The following ELP2 variants were observed in gnomAD, a reference collection of about 807,000 sequenced individuals.
ELP2 encodes elongator acetyltransferase complex subunit 2, also known as elongator complex protein 2.
Under a neutral mutation model 119.2 loss-of-function variants are expected in ELP2, and 90 were observed. That is an observed-to-expected ratio of 0.75 (90% confidence interval 0.64 to 0.90). The LOEUF (loss-of-function observed/expected upper bound fraction) is 0.90. Ranked by LOEUF, ELP2 falls within the 40% of genes least tolerant of loss-of-function variation. The pLI is 0.00. For synonymous variants in ELP2, 339 were observed against 331.0 expected (o/e 1.02, Z -0.26); for missense variants, 921 against 967.8 (o/e 0.95, Z 0.64).
intron 11 of ELP2, among the ~76,000 whole-genome samples, chr18:36,146,744 G>C (rs907058319): frequency 6.6e-6 from 1 of 152,078 alleles, no homozygotes; most frequent in African/African-American, 2.4e-5. Context: ...GGGCATGGTG[G>C]CTCTTCTCAG....
At chr18:36,156,717 T>C in intron 13 of ELP2, 63 bp downstream of exon 13, 6 of 1,492,082 alleles carry the variant, frequency 4.0e-6, no homozygotes, top group Non-Finnish European at 5.6e-6. Context: ...TAAAAGGATT[T>C]TTGCCTTAGG....
At chr18:36,153,778 CTT>C (rs562758857) in intron 11 of ELP2, among the ~76,000 whole-genome samples, 6 of 145,526 alleles carry the variant, frequency 4.1e-5, no homozygotes, top group African/African-American at 7.5e-5. Flanking sequence ...TTTATATAGA[CTT>C]TTTTTTTTTT....
intron 18 of ELP2, among the ~76,000 whole-genome samples, chr18:36,165,820 T>C (rs999226027): frequency 3.9e-5 from 6 of 152,026 alleles, no homozygotes; most frequent in Non-Finnish European, 5.9e-5. Context: ...AGGCAGAGGT[T>C]GCAGTGAGCC....
intron 8 of ELP2, among the ~76,000 whole-genome samples, chr18:36,143,981 G>A (rs1405439351): frequency 6.6e-6 from 1 of 152,154 alleles, no homozygotes; most frequent in Non-Finnish European, 1.5e-5. Context: ...CTATTGTCTA[G>A]CCTTAGAACA....
At chr18:36,138,758 T>C (rs375440731) in intron 4 of ELP2, 37 bp from the exon 5 acceptor site, 1 of 1,506,832 alleles carries the variant, frequency 6.6e-7, no homozygotes, top group East Asian at 2.3e-5. Flanking sequence ...AGCTCTGAGG[T>C]AGTTAGTTGT....
intron 8 of ELP2, 98 bp from the exon 9 acceptor site, chr18:36,144,840 AT>A (rs148824515): frequency 1.2e-4 from 118 of 967,120 alleles, no homozygotes; most frequent in Non-Finnish European, 1.4e-4. Context: ...TTTTGTCCTA[AT>A]TTTTTTTTCT....
chr18:36,149,033 C>T (rs1228443439), intron 11 of ELP2, among the ~76,000 whole-genome samples: 1 of 152,228 alleles, frequency 6.6e-6, no homozygotes, highest in East Asian at 1.9e-4. Flanking sequence ...TACAACTTCA[C>T]TTTTTCAGGC....
At chr18:36,158,533 T>C (rs12185396) in intron 13 of ELP2, 164,428 of 269,170 alleles carry the variant, frequency 0.61, 51,739 homozygotes, top group East Asian at 0.81. Flanking sequence ...CTGAAACCCA[T>C]TGAAATGTTA....
intron 1 of ELP2, among the ~76,000 whole-genome samples, chr18:36,131,277 GTTTC>G (rs2089614778): frequency 6.6e-6 from 1 of 152,150 alleles, no homozygotes. Context: ...CCTGGTTTTT[GTTTC>G]TTGTTATTTG....
rs1011860211 is a variant in ELP2, at chr18:36,180,282, C to T, written c.*5641C>T. ...GTCCCATACTATTTTGCTTAATCTC[C>T]TCGGGCAGAATTTAGTGTTGTGGCC... is the stretch of plus-strand genomic sequence containing the variant. On this transcript the variant is annotated 3_prime_UTR_variant, in exon 22 of 22. Transcript: ENST00000358232. The T allele has an allele frequency of 5.9e-5, 9 of 152,218 alleles. No homozygotes were observed. The highest frequency in any genetic ancestry group is 1.0e-4 in the Non-Finnish European group (7 of 68,048). The allele number at this position is 152,218 out of a possible 1,614,324, so 9.4% of individuals were successfully genotyped here.
At position 36,142,836 on chromosome 18, in the gene ELP2, T is replaced by A; in HGVS notation, c.666T>A (p.Leu222=). ...TTATTTTTTAATTAGGTAGAGATCTTTTCCTAGCAAGCTGTTCACAAGATT... is the reference window on the plus strand; with the variant it reads ...TTATTTTTTAATTAGGTAGAGATCTATTCCTAGCAAGCTGTTCACAAGATT... ...GVEWAAFGRD[L]FLASCSQDCL... Residue 222 remains leucine, a synonymous_variant, in exon 8 of 22, where the codon CTT becomes CTA. Coordinates refer to ENST00000358232, the MANE Select transcript of ELP2 (RefSeq NM_018255.4). The A allele has an allele frequency of 6.2e-7, 1 of 1,602,790 alleles. No homozygotes were observed. The highest frequency in any genetic ancestry group is 1.3e-5 in the African/African-American group (1 of 74,814).
At chr18:36,138,017 C>A in intron 3 of ELP2, 1 of 432,094 alleles carries the variant, frequency 2.3e-6, no homozygotes, top group Non-Finnish European at 4.2e-6. Context: ...AGGAACATTC[C>A]ACAAAGTTGA....
At chr18:36,172,273 GTATA>G (rs1036159994) in intron 21 of ELP2, among the ~76,000 whole-genome samples, 5 of 152,188 alleles carry the variant, frequency 3.3e-5, no homozygotes, top group African/African-American at 1.2e-4. Flanking sequence ...CCCCAAAAAA[GTATA>G]AACGTTCAGA....
chr18:36,163,709 C>A (rs1473938474), intron 17 of ELP2, among the ~76,000 whole-genome samples: 1 of 152,060 alleles, frequency 6.6e-6, no homozygotes, highest in Non-Finnish European at 1.5e-5. Flanking sequence ...AAAAGACTAT[C>A]CCCTTCATCA....
chr18:36,131,768 G>C (rs546951069), intron 1 of ELP2, among the ~76,000 whole-genome samples: 6 of 152,178 alleles, frequency 3.9e-5, no homozygotes, highest in Non-Finnish European at 7.3e-5. Context: ...TGATTCAGCT[G>C]TAGAATCCCA....
intron 3 of ELP2, 90 bp downstream of exon 3, chr18:36,136,467 G>A (rs148863213): frequency 2.4e-5 from 25 of 1,045,022 alleles, no homozygotes; most frequent in African/African-American, 4.7e-5. Context: ...CCAGGCTGAC[G>A]TGCAGTGGTG....
rs748115472 is a variant in ELP2 at position 36,152,195 on chromosome 18, TC to T, written c.1126-2654del. On this transcript the variant is annotated intron_variant, in intron 11 of 21. Transcript: ENST00000358232. Reference sequence around the variant, plus strand: ...CTGGGTGACAGAGTGAGACCCTATCTCAAAAAAAAAAAAACAACAAAGATCT... The same window carrying T: ...CTGGGTGACAGAGTGAGACCCTATCTAAAAAAAAAAAAACAACAAAGATCT... Among the ~76,000 whole-genome samples, 5 of 26,650 alleles carry T rather than the reference TC, an allele frequency of 1.9e-4. No individual in the cohort carries two copies. In the South Asian group the frequency reaches 3.8e-3, roughly 20 times the overall value. 17.5% of individuals were successfully genotyped at this position (26,650 alleles called of 152,430 possible).
intron 19 of ELP2, among the ~76,000 whole-genome samples, chr18:36,167,822 G>A (rs1003325878): frequency 3.3e-5 from 5 of 151,918 alleles, no homozygotes; most frequent in Admixed American, 6.6e-5. Context: ...TGGGACTACA[G>A]GTGCTCACCA....
chr18:36,138,260 T>C lies in ELP2; in HGVS notation c.289-10T>C. On this transcript the variant is annotated splice_polypyrimidine_tract_variant and intron_variant, in intron 3 of 21. Coordinates refer to ENST00000358232, the MANE Select transcript of ELP2 (RefSeq NM_018255.4). ...TTTTCACAATGCTTCTGTCATTCTT[T>C]CTGATTCAGCTTTTAAAAGCAGTGC... is the stretch of plus-strand genomic sequence containing the variant. 6.2e-7 allele frequency: 1 copy of C among 1,614,120 alleles called. No homozygotes were observed.
Sources: allele counts gnomAD v4.1 joint callset (sites outside exome capture counted in the v4.1 genomes callset), GRCh38; gene constraint gnomAD v4.1.1; transcripts MANE v1.5; gene names NCBI Gene and HGNC (gene_info 2026-07-23, HGNC 2026-07-21).